TMEM132C: variants seen among roughly 807,000 people sequenced by gnomAD.
TMEM132C encodes the protein protein phosphatase 1, regulatory subunit 152.
In TMEM132C, 29 loss-of-function variants were observed where a neutral mutation model predicts 61.4. The observed-to-expected ratio is 0.47, with a 90% CI of 0.35 to 0.64. The LOEUF (loss-of-function observed/expected upper bound fraction) is 0.64, where lower values mean the gene tolerates loss of function less well. TMEM132C is among the 30% of genes least tolerant of loss of function. The probability of loss-of-function intolerance (pLI) is 0.00; values close to 1 mark genes in which losing one functional copy is unlikely to be tolerated. For missense variants in TMEM132C, 1,408 were observed against 1,476.9 expected, an observed-to-expected ratio of 0.95 and a Z score of 0.76; for synonymous variants, 656 against 633.1, an observed-to-expected ratio of 1.04 and a Z score of -0.54.
intron 1 of TMEM132C, among the ~76,000 whole-genome samples, chr12:128,361,067 T>C (rs1306862518): frequency 6.6e-6 from 1 of 152,188 alleles, no homozygotes; most frequent in African/African-American, 2.4e-5. Flanking sequence ...AAGCTCATGG[T>C]GCAGGAGTTG....
At chr12:128,673,787 C>T (rs1566011221) in intron 5 of TMEM132C, among the ~76,000 whole-genome samples, 1 of 152,186 alleles carries the variant, frequency 6.6e-6, no homozygotes, top group Non-Finnish European at 1.5e-5. Context: ...TGAGGATAAG[C>T]ATAGTTCCTA....
chr12:128,539,845 T>C (rs550136263), intron 2 of TMEM132C, among the ~76,000 whole-genome samples: 3 of 152,330 alleles, frequency 2.0e-5, no homozygotes, highest in East Asian at 3.9e-4. Flanking sequence ...ATTGATCACG[T>C]GGCCTGGTGT....
chr12:128,658,383 A>C (rs1265057842), intron 4 of TMEM132C, among the ~76,000 whole-genome samples: 2 of 152,262 alleles, frequency 1.3e-5, no homozygotes, highest in Non-Finnish European at 2.9e-5. Context: ...AGAACCTGCC[A>C]CATGAGCTAT....
intron 2 of TMEM132C, among the ~76,000 whole-genome samples, chr12:128,491,419 C>A (rs1051787845): frequency 1.3e-5 from 2 of 152,204 alleles, no homozygotes; most frequent in Non-Finnish European, 2.9e-5. Context: ...TACATCTCAG[C>A]AATGTCAGTG....
chr12:128,467,546 T>G (rs1415228934), intron 2 of TMEM132C, among the ~76,000 whole-genome samples: 3 of 152,188 alleles, frequency 2.0e-5, no homozygotes, highest in Non-Finnish European at 4.4e-5. Flanking sequence ...TTCCATTTGT[T>G]GTTGTTAGTC....
chr12:128,306,875 A>C (rs1186076090), intron 1 of TMEM132C, among the ~76,000 whole-genome samples: 1 of 152,198 alleles, frequency 6.6e-6, no homozygotes, highest in East Asian at 1.9e-4. Context: ...AAGCCTGGGC[A>C]TATGTTAGCA....
At chr12:128,320,057 C>T (rs1479490142) in intron 1 of TMEM132C, among the ~76,000 whole-genome samples, 2 of 152,086 alleles carry the variant, frequency 1.3e-5, no homozygotes, top group African/African-American at 2.4e-5. Flanking sequence ...TGAATCAGCC[C>T]TATAGTCCAA....
At chr12:128,455,322 C>T (rs959078444) in intron 2 of TMEM132C, among the ~76,000 whole-genome samples, 4 of 152,104 alleles carry the variant, frequency 2.6e-5, no homozygotes, top group African/African-American at 7.2e-5. Context: ...TCTACCCACA[C>T]GGAGGAGGTG....
chr12:128,522,000 C>G lies in TMEM132C; in HGVS notation c.975-21957C>G, dbSNP rs182267371. ...TCACATGTAGCTAAATACATGAGGT[C>G]TTTGTTCAGTGATTCCCTGGTCGGA... On this transcript the variant is annotated intron_variant, in intron 2 of 8. Transcript: ENST00000435159. Among the ~76,000 whole-genome samples, 262 of 152,218 alleles carry G rather than the reference C, an allele frequency of 1.7e-3. 1 individual carries two copies. The highest frequency in any genetic ancestry group is 2.3e-3 in the Non-Finnish European group (155 of 68,024).
intron 2 of TMEM132C, among the ~76,000 whole-genome samples, chr12:128,460,337 A>G (rs115462552): frequency 0.019 from 2,909 of 152,234 alleles, 111 homozygotes; most frequent in African/African-American, 0.066. Context: ...CTTCATTCTC[A>G]GGCAGCCTCT....
chr12:128,318,596 G>A (rs142902554), intron 1 of TMEM132C, among the ~76,000 whole-genome samples: 12 of 152,242 alleles, frequency 7.9e-5, no homozygotes, highest in African/African-American at 2.4e-4. Flanking sequence ...CATCCATAAC[G>A]TAATTGAAAC....
chr12:128,705,724 G>T lies in TMEM132C; in HGVS notation c.2756G>T (p.Gly919Val). Residue 919 changes from glycine to valine, a missense_variant, in exon 9 of 9, where the codon GGC (glycine) becomes GTC (valine). Physicochemically the swap from Gly to Val is moderately radical, Grantham distance 109 (BLOSUM62 -3). Transcript: ENST00000435159. ...EENDLVQTPR[G>V]LSDLEIGMYA... ...AACGACCTGGTGCAGACTCCGCGGGGCCTGAGTGATCTGGAGATAGGGATG... is the reference window on the plus strand; with the variant it reads ...AACGACCTGGTGCAGACTCCGCGGGTCCTGAGTGATCTGGAGATAGGGATG... 2.6e-6 allele frequency: 4 copies of T among 1,551,506 alleles called. No homozygotes were observed. Among genetic ancestry groups the T allele is most frequent in the Non-Finnish European group, 3.5e-6 (4 of 1,146,992 alleles).
chr12:128,632,399 T>C (rs1954071290), intron 4 of TMEM132C, among the ~76,000 whole-genome samples: 1 of 152,214 alleles, frequency 6.6e-6, no homozygotes, highest in Non-Finnish European at 1.5e-5. Context: ...TCCATGTTCA[T>C]AGGAAATTGC....
At chr12:128,339,525 C>T (rs1456366726) in intron 1 of TMEM132C, among the ~76,000 whole-genome samples, 2 of 151,920 alleles carry the variant, frequency 1.3e-5, no homozygotes, top group Admixed American at 1.3e-4. Flanking sequence ...ATTTAGAGGC[C>T]ACTTAGGAAG....
intron 1 of TMEM132C, among the ~76,000 whole-genome samples, chr12:128,356,124 A>G (rs1873497988): frequency 1.3e-5 from 2 of 152,216 alleles, no homozygotes. Flanking sequence ...GAACACCCTT[A>G]GGGTTTGGAT....
At chr12:128,611,633 G>T (rs1458684273) in intron 3 of TMEM132C, among the ~76,000 whole-genome samples, 1 of 152,180 alleles carries the variant, frequency 6.6e-6, no homozygotes, top group Admixed American at 6.5e-5. Flanking sequence ...AAATGCTTTT[G>T]CCAGAATATG....
At chr12:128,605,423 A>G (rs1876387360) in intron 3 of TMEM132C, among the ~76,000 whole-genome samples, 1 of 152,172 alleles carries the variant, frequency 6.6e-6, no homozygotes, top group Admixed American at 6.5e-5. Flanking sequence ...ACATTCACCC[A>G]CATTGTGGGG....
At chr12:128,372,011 G>A (rs908369224) in intron 1 of TMEM132C, among the ~76,000 whole-genome samples, 2 of 152,254 alleles carry the variant, frequency 1.3e-5, no homozygotes, top group African/African-American at 2.4e-5. Context: ...TCAGTCTTAC[G>A]ATCTGCATCA....
chr12:128,504,257 A>G (rs1369825861), intron 2 of TMEM132C, among the ~76,000 whole-genome samples: 2 of 152,184 alleles, frequency 1.3e-5, no homozygotes, highest in African/African-American at 4.8e-5. Context: ...AAGTCACACA[A>G]CACACTTGAA....
Sources: gnomAD v4.1 joint callset for allele counts (sites outside exome capture counted in the v4.1 genomes callset) on GRCh38, gnomAD v4.1.1 for gene constraint, MANE v1.5 for transcripts, NCBI Gene and HGNC (gene_info 2026-07-23, HGNC 2026-07-21) for gene names.